Variants in IFT81 observed in about 807,000 individuals in gnomAD.
The protein encoded by IFT81 is intraflagellar transport protein 81 homolog.
IFT81 carries 72 observed loss-of-function variants against 102.6 expected under a neutral mutation model. That is an observed-to-expected ratio of 0.70 (90% CI 0.58 to 0.85). The LOEUF is 0.85. Ranked by LOEUF, IFT81 falls within the 40% of genes least tolerant of loss-of-function variation. The pLI is 0.00. For synonymous variants in IFT81, 237 were observed against 242.7 expected (o/e 0.98, Z 0.22); for missense variants, 723 against 787.3 (o/e 0.92, Z 0.98).
intron 4 of IFT81, 39 bp from the exon 5 acceptor site, chr12:110,132,508 C>A: frequency 2.5e-6 from 2 of 801,680 alleles, no homozygotes; most frequent in Non-Finnish European, 4.0e-6. Flanking sequence ...TCTACTGGAT[C>A]TAGTTATTAG....
At chr12:110,203,634 A>G (rs1227533278) in intron 14 of IFT81, 3 of 503,024 alleles carry the variant, frequency 6.0e-6, no homozygotes, top group Non-Finnish European at 1.1e-5. Context: ...TTGTCTCCCC[A>G]GCTCCTAACA....
chr12:110,208,665 A>G (rs140215261), intron 17 of IFT81, among the ~76,000 whole-genome samples: 301 of 152,318 alleles, frequency 2.0e-3, no homozygotes, highest in African/African-American at 6.9e-3. Flanking sequence ...TCCCATCTAT[A>G]GACATTTAGT....
intron 14 of IFT81, among the ~76,000 whole-genome samples, chr12:110,196,514 C>T (rs1479881470): frequency 6.6e-6 from 1 of 151,952 alleles, no homozygotes; most frequent in African/African-American, 2.4e-5. Context: ...AGCGAGACTC[C>T]GTCTCAAAAA....
chr12:110,173,406 G>T (rs1312714303), intron 11 of IFT81, among the ~76,000 whole-genome samples: 2 of 151,760 alleles, frequency 1.3e-5, no homozygotes, highest in African/African-American at 4.8e-5. Context: ...CTGCCCGGCC[G>T]CCCCTACTGG....
At chr12:110,125,594 CATGTTGG>C (rs1893785123) in intron 1 of IFT81, among the ~76,000 whole-genome samples, 1 of 152,106 alleles carries the variant, frequency 6.6e-6, no homozygotes, top group Non-Finnish European at 1.5e-5. Context: ...CGGGTTTCAC[CATGTTGG>C]CCAGGCTGGC....
chr12:110,132,143 C>T lies in IFT81; in HGVS notation c.430-404C>T, dbSNP rs78227744. Among the ~76,000 whole-genome samples the T allele has an allele frequency of 5.6e-3, 846 of 152,156 alleles. 7 individuals carry two copies. The highest frequency in any genetic ancestry group is 0.019 in the African/African-American group (790 of 41,520). ...CTGTTCTTACAATGACTTAAGTAAT[C>T]GCTGTAAGTTAATAGATAACCTGAT... On this transcript the variant is annotated intron_variant, in intron 4 of 18. Coordinates refer to ENST00000242591, the MANE Select transcript of IFT81 (RefSeq NM_014055.4).
chr12:110,170,583 G>A (rs1896684184), intron 11 of IFT81, among the ~76,000 whole-genome samples: 1 of 152,202 alleles, frequency 6.6e-6, no homozygotes, highest in African/African-American at 2.4e-5. Context: ...ATGATATGCA[G>A]TACTAGTACC....
intron 12 of IFT81, among the ~76,000 whole-genome samples, chr12:110,188,587 G>GAACTCTCTTCAATACAGTTT (rs1380076303): frequency 2.0e-5 from 3 of 150,150 alleles, no homozygotes; most frequent in Non-Finnish European, 4.4e-5. Flanking sequence ...ATTCTTTTTT[G>GAACTCTCTTCAATACAGTTT]AACTCTCTTC....
At chr12:110,174,277 C>CAAAAAAA (rs61353726) in intron 11 of IFT81, among the ~76,000 whole-genome samples, 1 of 35,276 alleles carries the variant, frequency 2.8e-5, no homozygotes, top group African/African-American at 1.1e-4. Context: ...GACTCCGTCT[C>CAAAAAAA]AAAAAAAAAA....
Position 110,144,898 on chromosome 12 carries a change from C to G in IFT81, c.945+1353C>G, listed in dbSNP as rs112686330. On this transcript the variant is annotated intron_variant, in intron 9 of 18. Coordinates refer to ENST00000242591, the MANE Select transcript of IFT81 (RefSeq NM_014055.4). The stretch of plus-strand genomic sequence containing the variant: ...TTTTTTTTTTTTTTGACGGAACTTG[C>G]TCTGTTGCCCAGGCTGGAGTGCAGT... 2.6e-3 allele frequency among the ~76,000 whole-genome samples: 329 copies of G among 126,900 alleles called. 2 individuals are homozygous for G. Among genetic ancestry groups the G allele is most frequent in the African/African-American group, 9.0e-3 (295 of 32,768 alleles). The allele number at this position is 126,900 out of a possible 152,430, so 83.3% of individuals were successfully genotyped here.
chr12:110,214,790 A>G (rs979493695), intron 18 of IFT81, among the ~76,000 whole-genome samples: 1 of 152,210 alleles, frequency 6.6e-6, no homozygotes, highest in Non-Finnish European at 1.5e-5. Context: ...ATTTTTTGAC[A>G]AGGAAATTAT....
At position 110,135,392 on chromosome 12, in the gene IFT81, G is replaced by C. The variant is rs1225258184; in HGVS notation, c.651G>C (p.Glu217Asp). 1 of 1,613,158 alleles carries C rather than the reference G, an allele frequency of 6.2e-7. No individual in the cohort carries two copies. The highest frequency in any genetic ancestry group is 2.2e-5 in the East Asian group (1 of 44,834). The change falls in exon 7 of 19, where the codon GAG (glutamate) becomes GAC (aspartate). Residue 217 changes from glutamate (E) to aspartate (D), a missense_variant. By Grantham distance (45) the Glu-to-Asp change is conservative. Coordinates refer to ENST00000242591, the MANE Select transcript of IFT81 (RefSeq NM_014055.4). ...KIARQLRVEK[E>D]REEYLAQQKQ... The stretch of plus-strand genomic sequence containing the variant: ...CAAGGCAACTTCGAGTTGAAAAAGA[G>C]AGAGAAGAATATCTTGCACAACAGA...
intron 10 of IFT81, among the ~76,000 whole-genome samples, chr12:110,152,992 A>G (rs1411053312): frequency 2.0e-5 from 3 of 152,184 alleles, no homozygotes; most frequent in East Asian, 3.8e-4. Flanking sequence ...TTTGATGCAC[A>G]AAAGTTTTAA....
intron 10 of IFT81, among the ~76,000 whole-genome samples, chr12:110,151,205 C>T (rs1895506251): frequency 6.6e-6 from 1 of 152,146 alleles, no homozygotes; most frequent in African/African-American, 2.4e-5. Flanking sequence ...CCAATTTCAA[C>T]TGATTTGAGA....
At chr12:110,176,945 G>A (rs781185628) in intron 11 of IFT81, among the ~76,000 whole-genome samples, 1 of 152,210 alleles carries the variant, frequency 6.6e-6, no homozygotes, top group South Asian at 2.1e-4. Context: ...CAGATGAACA[G>A]GGTTGATTTC....
intron 11 of IFT81, among the ~76,000 whole-genome samples, chr12:110,164,877 C>A (rs1438240909): frequency 1.3e-5 from 2 of 152,112 alleles, no homozygotes; most frequent in Non-Finnish European, 2.9e-5. Flanking sequence ...AGAGACTATG[C>A]CACCTCCTAG....
At chr12:110,133,619 C>G (rs1191467006) in intron 5 of IFT81, among the ~76,000 whole-genome samples, 1 of 151,972 alleles carries the variant, frequency 6.6e-6, no homozygotes, top group Admixed American at 6.6e-5. Flanking sequence ...AGAGTGAGAA[C>G]TTGTCTCAAA....
At chr12:110,134,833 A>G in intron 5 of IFT81, 115 bp from the exon 6 acceptor site, 2 of 716,108 alleles carry the variant, frequency 2.8e-6, no homozygotes, top group South Asian at 3.7e-5. Flanking sequence ...CTTGGTTGTT[A>G]ATGCTGTGGT....
intron 6 of IFT81, 148 bp downstream of exon 6, chr12:110,135,161 C>A: frequency 1.3e-6 from 1 of 745,768 alleles, no homozygotes; most frequent in Non-Finnish European, 2.2e-6. Flanking sequence ...TCTCTCTAGA[C>A]AGTAGCCCAG....
Sources: allele counts gnomAD v4.1 joint callset (sites outside exome capture counted in the v4.1 genomes callset), GRCh38; gene constraint gnomAD v4.1.1; transcripts MANE v1.5; gene names NCBI Gene and HGNC (gene_info 2026-07-23, HGNC 2026-07-21).